TMC7: variants seen among roughly 807,000 people sequenced by gnomAD.
TMC7 encodes transmembrane channel-like protein 7.
In TMC7, 54 loss-of-function variants were observed where a neutral mutation model predicts 82.9. That is an observed-to-expected ratio of 0.65 (90% confidence interval 0.52 to 0.82). TMC7 has a LOEUF of 0.82. Among genes scored for constraint, TMC7 ranks in the 40% least tolerant of loss-of-function variants. The pLI is 0.00. For synonymous variants in TMC7, 350 were observed against 337.9 expected, an observed-to-expected ratio of 1.04 and a Z score of -0.39; for missense variants, 820 against 901.2, an observed-to-expected ratio of 0.91 and a Z score of 1.15.
chr16:19,050,003 A>C (rs901112442), intron 12 of TMC7, among the ~76,000 whole-genome samples: 2 of 152,158 alleles, frequency 1.3e-5, no homozygotes, highest in Non-Finnish European at 2.9e-5. Context: ...CAAATAAAGG[A>C]ACTCCTAATT....
chr16:19,062,022 G>T lies in TMC7; in HGVS notation c.*179G>T, dbSNP rs1433558137. The T allele has an allele frequency of 9.1e-6, 4 of 440,180 alleles. No homozygotes were observed. Among genetic ancestry groups the T allele is most frequent in the Non-Finnish European group, 1.6e-5 (4 of 251,352 alleles). 27.3% of individuals were successfully genotyped at this position (440,180 alleles called of 1,614,324 possible). ...AACCCAGCCCTTAATTAGGGCTTCA[G>T]TGACTTAGAAAAGCAGGGGAAACCC... On this transcript the variant is annotated 3_prime_UTR_variant, in exon 16 of 16. Coordinates refer to ENST00000304381, the MANE Select transcript of TMC7 (RefSeq NM_024847.4).
At chr16:19,011,682 C>T (rs533659042) in intron 2 of TMC7, among the ~76,000 whole-genome samples, 89 of 152,116 alleles carry the variant, frequency 5.9e-4, no homozygotes, top group Admixed American at 3.8e-3. Flanking sequence ...TCTGCCACTA[C>T]CCTCCACCCT....
chr16:19,003,460 G>T (rs1412385499), intron 1 of TMC7, among the ~76,000 whole-genome samples: 1 of 146,524 alleles, frequency 6.8e-6, no homozygotes, highest in Non-Finnish European at 1.5e-5. Flanking sequence ...GGTGAGGGGC[G>T]CCTCTGCCCG....
At chr16:19,025,996 G>A (rs995023547) in intron 5 of TMC7, among the ~76,000 whole-genome samples, 5 of 151,668 alleles carry the variant, frequency 3.3e-5, no homozygotes, top group Admixed American at 1.3e-4. Context: ...GGCTGGTCTC[G>A]AGCTCCTGAG....
At chr16:19,053,911 G>A (rs1249574277) in intron 13 of TMC7, among the ~76,000 whole-genome samples, 2 of 143,998 alleles carry the variant, frequency 1.4e-5, no homozygotes, top group African/African-American at 2.6e-5. Flanking sequence ...TTGAACTCCT[G>A]AGCCCAAGTG....
At chr16:18,994,480 C>T (rs2039006822) in intron 1 of TMC7, among the ~76,000 whole-genome samples, 1 of 151,624 alleles carries the variant, frequency 6.6e-6, no homozygotes, top group South Asian at 2.1e-4. Flanking sequence ...TCTGACCGCA[C>T]AGCCCTGTAC....
At chr16:19,003,014 C>T (rs528178535) in intron 1 of TMC7, among the ~76,000 whole-genome samples, 1 of 152,326 alleles carries the variant, frequency 6.6e-6, no homozygotes, top group African/African-American at 2.4e-5. Context: ...GTCACCATGC[C>T]TGGGCCTCAG....
chr16:18,995,550 C>T (rs777497709), intron 1 of TMC7, among the ~76,000 whole-genome samples: 3 of 152,122 alleles, frequency 2.0e-5, no homozygotes, highest in African/African-American at 4.8e-5. Context: ...TCCTGGGCTG[C>T]GGGCATTCCT....
At chr16:18,989,069 G>A (rs2038903110) in intron 1 of TMC7, among the ~76,000 whole-genome samples, 3 of 150,626 alleles carry the variant, frequency 2.0e-5, no homozygotes, top group South Asian at 4.2e-4. Flanking sequence ...AAAAAAAAAA[G>A]GAATTTACAT....
At chr16:19,055,469 T>G (rs1462869154) in intron 13 of TMC7, among the ~76,000 whole-genome samples, 1 of 152,166 alleles carries the variant, frequency 6.6e-6, no homozygotes, top group Non-Finnish European at 1.5e-5. Context: ...GCAACTCTCG[T>G]GCCTCAGCCT....
intron 1 of TMC7, among the ~76,000 whole-genome samples, chr16:19,002,409 AT>A (rs1225239129): frequency 2.0e-5 from 3 of 151,510 alleles, no homozygotes; most frequent in Non-Finnish European, 1.5e-5. Context: ...CTAATTTTGT[AT>A]TTTTTTAGTA....
chr16:18,999,441 T>C (rs567069134), intron 1 of TMC7, among the ~76,000 whole-genome samples: 77 of 152,374 alleles, frequency 5.1e-4, no homozygotes, highest in African/African-American at 1.7e-3. Flanking sequence ...TTTTTCTCCA[T>C]GCACTTATCA....
chr16:18,995,517 G>A lies in TMC7; in HGVS notation c.67+11387G>A, dbSNP rs2039028722. Reference sequence around the variant, plus strand: ...CCAATTTCCAATGGGGTCCCACACAGATGGGACACGGCTTAGGAGGAATCC... The same window carrying A: ...CCAATTTCCAATGGGGTCCCACACAAATGGGACACGGCTTAGGAGGAATCC... On this transcript the variant is annotated intron_variant, in intron 1 of 15. Transcript: ENST00000304381. Among the ~76,000 whole-genome samples, 6 of 152,338 alleles carry A rather than the reference G, an allele frequency of 3.9e-5. No homozygotes were observed. In the South Asian group the frequency reaches 1.2e-3, roughly 32 times the overall value.
At chr16:19,057,148 T>C (rs751200181) in intron 14 of TMC7, among the ~76,000 whole-genome samples, 12 of 151,718 alleles carry the variant, frequency 7.9e-5, no homozygotes, top group African/African-American at 1.5e-4. Context: ...CAAAAACAAA[T>C]AAATAAATAA....
chr16:19,046,201 G>C (rs561005531), intron 11 of TMC7, among the ~76,000 whole-genome samples: 9 of 152,272 alleles, frequency 5.9e-5, no homozygotes, highest in Admixed American at 5.9e-4. Flanking sequence ...GTGGACACCT[G>C]TCTCCCGATC....
chr16:19,005,782 A>G (rs915739112), intron 1 of TMC7, among the ~76,000 whole-genome samples: 1 of 152,062 alleles, frequency 6.6e-6, no homozygotes, highest in Non-Finnish European at 1.5e-5. Flanking sequence ...TTCAGGGACC[A>G]CACCCACCCT....
chr16:19,033,691 T>C (rs1377325344), intron 6 of TMC7: 2 of 151,832 alleles, frequency 1.3e-5, no homozygotes, highest in Non-Finnish European at 2.9e-5. Flanking sequence ...TCTCAAAAAG[T>C]AAAAAATAAA....
chr16:19,022,760 G>T (rs1248749305), intron 4 of TMC7, among the ~76,000 whole-genome samples: 1 of 152,250 alleles, frequency 6.6e-6, no homozygotes, highest in Non-Finnish European at 1.5e-5. Context: ...CGGGTCCGGG[G>T]GCTCACGCCT....
intron 2 of TMC7, among the ~76,000 whole-genome samples, chr16:19,011,815 T>C (rs1959365943): frequency 6.6e-6 from 1 of 152,066 alleles, no homozygotes; most frequent in Non-Finnish European, 1.5e-5. Context: ...TTAATTTGGG[T>C]GGTCTTGTAT....
Sources: allele counts gnomAD v4.1 joint callset (sites outside exome capture counted in the v4.1 genomes callset), GRCh38; gene constraint gnomAD v4.1.1; transcripts MANE v1.5; gene names NCBI Gene and HGNC (gene_info 2026-07-23, HGNC 2026-07-21).